The following SPAG16 variants were observed in gnomAD, a reference collection of about 807,000 sequenced individuals.
SPAG16 encodes sperm associated antigen 16.
Under a neutral mutation model 80.4 loss-of-function variants are expected in SPAG16, and 86 were observed. That is an observed-to-expected ratio of 1.07 (90% CI 0.90 to 1.28). The LOEUF is 1.28. SPAG16 is among the 50% of genes most tolerant of loss of function. The pLI is 0.00. For synonymous variants in SPAG16, 294 were observed against 265.9 expected, an observed-to-expected ratio of 1.11 and a Z score of -1.03; for missense variants, 870 against 765.3, an observed-to-expected ratio of 1.14 and a Z score of -1.61.
At position 213,293,539 on chromosome 2, in the gene SPAG16, A is replaced by G. The variant is rs1459926019; in HGVS notation, c.137-2525A>G. 3.3e-5 allele frequency among the ~76,000 whole-genome samples: 5 copies of G among 152,346 alleles called. No homozygotes were observed. In the East Asian group the frequency reaches 7.7e-4, roughly 24 times the overall value. ...GCCCACCATATCTTGAGGATGCTCA[A>G]GCAGCCTGTGGAGAGACCCACATGG... On this transcript the variant is annotated intron_variant, in intron 1 of 15. Coordinates refer to ENST00000331683, the MANE Select transcript of SPAG16 (RefSeq NM_024532.5).
chr2:214,344,624 G>T (rs923179937), intron 15 of SPAG16, among the ~76,000 whole-genome samples: 1 of 152,112 alleles, frequency 6.6e-6, no homozygotes, highest in African/African-American at 2.4e-5. Context: ...TCTAAAGTGT[G>T]ACCTAAATCA....
At chr2:213,867,530 T>C (rs1039597325) in intron 11 of SPAG16, among the ~76,000 whole-genome samples, 8 of 152,214 alleles carry the variant, frequency 5.3e-5, no homozygotes, top group African/African-American at 1.4e-4. Context: ...ACTAGTGTTA[T>C]AATATCTGAA....
intron 3 of SPAG16, among the ~76,000 whole-genome samples, chr2:213,307,961 A>G (rs545216867): frequency 6.6e-6 from 1 of 152,310 alleles, no homozygotes; most frequent in Admixed American, 6.5e-5. Context: ...CATTCTGTGC[A>G]TTCTGTGTAA....
chr2:213,326,168 G>A (rs1251509383), intron 5 of SPAG16, among the ~76,000 whole-genome samples: 1 of 151,912 alleles, frequency 6.6e-6, no homozygotes, highest in Non-Finnish European at 1.5e-5. Flanking sequence ...ACAGGAAGAT[G>A]AAAAACTGCC....
chr2:213,773,827 C>T (rs2069407018), intron 10 of SPAG16, among the ~76,000 whole-genome samples: 1 of 152,240 alleles, frequency 6.6e-6, no homozygotes, highest in Non-Finnish European at 1.5e-5. Context: ...GCTGGGATTA[C>T]AGGCATGAGC....
intron 9 of SPAG16, among the ~76,000 whole-genome samples, chr2:213,448,759 A>G (rs894512365): frequency 6.6e-6 from 1 of 152,202 alleles, no homozygotes; most frequent in Admixed American, 6.5e-5. Flanking sequence ...TTAATTTTTA[A>G]TCATGTTATC....
At chr2:214,305,929 T>G (rs986191159) in intron 15 of SPAG16, among the ~76,000 whole-genome samples, 1 of 152,154 alleles carries the variant, frequency 6.6e-6, no homozygotes, top group African/African-American at 2.4e-5. Flanking sequence ...ATTGGTAGTA[T>G]GATAGGAATA....
chr2:213,470,993 A>G (rs902249120), intron 9 of SPAG16, among the ~76,000 whole-genome samples: 1 of 152,104 alleles, frequency 6.6e-6, no homozygotes, highest in East Asian at 1.9e-4. Flanking sequence ...ATAATCACAC[A>G]TCTGGCCATT....
At chr2:214,336,392 A>G (rs1203221258) in intron 15 of SPAG16, among the ~76,000 whole-genome samples, 2 of 152,210 alleles carry the variant, frequency 1.3e-5, no homozygotes, top group African/African-American at 4.8e-5. Flanking sequence ...TTAAAATTAA[A>G]TAGGTATAAA....
intron 15 of SPAG16, among the ~76,000 whole-genome samples, chr2:214,167,850 A>G (rs911628354): frequency 6.6e-6 from 1 of 151,480 alleles, no homozygotes; most frequent in Admixed American, 6.6e-5. Flanking sequence ...ACAGTAGAAC[A>G]GTTAGGAACC....
At chr2:213,566,523 G>A (rs997031462) in intron 10 of SPAG16, among the ~76,000 whole-genome samples, 31 of 151,978 alleles carry the variant, frequency 2.0e-4, no homozygotes, top group African/African-American at 7.3e-4. Context: ...ATTGAGAGTC[G>A]ACAACCTTAA....
intron 10 of SPAG16, among the ~76,000 whole-genome samples, chr2:213,702,316 G>A (rs112296231): frequency 0.036 from 5,491 of 152,278 alleles, 338 homozygotes; most frequent in African/African-American, 0.12. Context: ...GCGGCAACCC[G>A]CTTGGGTCTC....
chr2:213,886,964 T>A (rs535561412), intron 11 of SPAG16, among the ~76,000 whole-genome samples: 1 of 152,128 alleles, frequency 6.6e-6, no homozygotes, highest in African/African-American at 2.4e-5. Flanking sequence ...TTTTATGTGC[T>A]TTCAGAGCTG....
At chr2:213,746,093 A>G (rs2067808447) in intron 10 of SPAG16, among the ~76,000 whole-genome samples, 1 of 152,242 alleles carries the variant, frequency 6.6e-6, no homozygotes, top group South Asian at 2.1e-4. Context: ...AGATGCAGGG[A>G]AACAGATTTA....
chr2:213,456,594 A>G (rs2072028921), intron 9 of SPAG16, among the ~76,000 whole-genome samples: 1 of 152,014 alleles, frequency 6.6e-6, no homozygotes, highest in African/African-American at 2.4e-5. Flanking sequence ...TTTCTTAAAT[A>G]ATTTTGTCTT....
intron 12 of SPAG16, among the ~76,000 whole-genome samples, chr2:213,937,991 G>A (rs2079054846): frequency 6.6e-6 from 1 of 152,030 alleles, no homozygotes; most frequent in Non-Finnish European, 1.5e-5. Context: ...ATTTGGATCT[G>A]ACATGCTGTA....
chr2:213,892,103 G>T (rs2076805614), intron 11 of SPAG16, among the ~76,000 whole-genome samples: 1 of 152,124 alleles, frequency 6.6e-6, no homozygotes, highest in African/African-American at 2.4e-5. Context: ...CAGAATGACT[G>T]TATAGCAGCA....
intron 12 of SPAG16, among the ~76,000 whole-genome samples, chr2:213,947,252 A>G (rs1351391276): frequency 6.6e-6 from 1 of 152,134 alleles, no homozygotes; most frequent in Admixed American, 6.6e-5. Flanking sequence ...TATATGTTTA[A>G]CATTATTTTA....
At chr2:214,212,594 A>AC (rs552670210) in intron 15 of SPAG16, among the ~76,000 whole-genome samples, 210 of 151,922 alleles carry the variant, frequency 1.4e-3, no homozygotes, top group Middle Eastern at 3.4e-3. Context: ...GCTAAGTTAG[A>AC]CCCCCATTGA....
Sources: gnomAD v4.1 joint callset for allele counts (sites outside exome capture counted in the v4.1 genomes callset) on GRCh38, gnomAD v4.1.1 for gene constraint, MANE v1.5 for transcripts, NCBI Gene and HGNC (gene_info 2026-07-23, HGNC 2026-07-21) for gene names.